Variants in KCNIP4 observed in about 807,000 individuals in gnomAD.
The protein encoded by KCNIP4 is potassium voltage-gated channel interacting protein 4, also known as Kv channel-interacting protein 4.
KCNIP4 carries 12 observed loss-of-function variants against 34.0 expected under a neutral mutation model. The ratio of observed to expected loss-of-function variants is 0.35; its 90% confidence interval spans 0.23 to 0.57. The LOEUF (loss-of-function observed/expected upper bound fraction) is 0.57. Ranked by LOEUF, KCNIP4 falls within the 20% of genes least tolerant of loss-of-function variation. KCNIP4 has a pLI of 0.83. For synonymous variants in KCNIP4, 124 were observed against 102.2 expected (o/e 1.21, Z -1.29); for missense variants, 238 against 311.7 (o/e 0.76, Z 1.78).
intron 3 of KCNIP4, among the ~76,000 whole-genome samples, chr4:20,780,772 G>C (rs148893271): frequency 6.6e-6 from 1 of 152,318 alleles, no homozygotes; most frequent in East Asian, 1.9e-4. Flanking sequence ...ACAGCATCCT[G>C]ATACACTGTT....
rs916544518 is a variant in KCNIP4, at chr4:21,200,561, C to T, written c.62-317852G>A. On this transcript the variant is annotated intron_variant, in intron 1 of 8. Coordinates refer to ENST00000382152, the MANE Select transcript of KCNIP4 (RefSeq NM_025221.6). ...GAATGGAAAACCAATATTGCATGTT[C>T]TCACTAAGTGGGAGCTAAACTATGG... Among the ~76,000 whole-genome samples, 5 of 151,830 alleles carry T rather than the reference C, an allele frequency of 3.3e-5. No individual in the cohort carries two copies. In the South Asian group the frequency reaches 1.0e-3, roughly 32 times the overall value.
intron 1 of KCNIP4, among the ~76,000 whole-genome samples, chr4:21,350,955 C>A (rs1717948410): frequency 6.6e-6 from 1 of 152,052 alleles, no homozygotes; most frequent in African/African-American, 2.4e-5. Flanking sequence ...GGAGAAGTTA[C>A]TGAGAAATGG....
At chr4:21,023,192 A>G (rs576685744) in intron 1 of KCNIP4, among the ~76,000 whole-genome samples, 11 of 152,342 alleles carry the variant, frequency 7.2e-5, no homozygotes, top group African/African-American at 2.4e-4. Context: ...ACTAGTAGTC[A>G]TTATAAATAT....
chr4:20,785,322 T>G (rs1020032674), intron 3 of KCNIP4, among the ~76,000 whole-genome samples: 1 of 118,466 alleles, frequency 8.4e-6, no homozygotes, highest in Non-Finnish European at 1.7e-5. Context: ...CTTTGGATTT[T>G]TTTTTCTTTT....
chr4:21,319,102 G>A (rs763690281), intron 1 of KCNIP4, among the ~76,000 whole-genome samples: 7 of 152,140 alleles, frequency 4.6e-5, no homozygotes, highest in Admixed American at 1.3e-4. Flanking sequence ...TCAACGAGGC[G>A]CGAATTCTAG....
At chr4:20,999,414 G>GTTTTTTTTTTTTTT (rs5856594) in intron 1 of KCNIP4, among the ~76,000 whole-genome samples, 1 of 95,342 alleles carries the variant, frequency 1.0e-5, no homozygotes. Flanking sequence ...TTGTGGTGGT[G>GTTTTTTTTTTTTTT]TTTTTTTTTT....
chr4:21,341,764 G>A (rs966409258), intron 1 of KCNIP4, among the ~76,000 whole-genome samples: 2 of 152,038 alleles, frequency 1.3e-5, no homozygotes, highest in Non-Finnish European at 2.9e-5. Flanking sequence ...GTTTTGGTGG[G>A]CTTGTTTACA....
intron 1 of KCNIP4, among the ~76,000 whole-genome samples, chr4:21,875,627 C>T (rs10009391): frequency 0.36 from 55,122 of 151,852 alleles, 12,001 homozygotes; most frequent in East Asian, 0.64. Context: ...TTCTTGTCAC[C>T]GGAAATCAAT....
intron 1 of KCNIP4, among the ~76,000 whole-genome samples, chr4:21,751,955 T>C (rs948276987): frequency 1.3e-5 from 2 of 152,200 alleles, no homozygotes; most frequent in African/African-American, 4.8e-5. Context: ...TTTCTACTGT[T>C]CTGCAGGTGG....
chr4:21,008,131 G>C (rs574223865), intron 1 of KCNIP4, among the ~76,000 whole-genome samples: 1 of 152,196 alleles, frequency 6.6e-6, no homozygotes, highest in Non-Finnish European at 1.5e-5. Flanking sequence ...TTAGAAGAGA[G>C]AAATCTGTTG....
At chr4:21,255,660 A>AAC (rs1309932688) in intron 1 of KCNIP4, among the ~76,000 whole-genome samples, 2 of 151,722 alleles carry the variant, frequency 1.3e-5, no homozygotes, top group African/African-American at 4.9e-5. Context: ...AAAAAAAAAA[A>AAC]CTAATTCAGG....
At chr4:20,918,804 C>G (rs530987601) in intron 1 of KCNIP4, among the ~76,000 whole-genome samples, 5 of 152,156 alleles carry the variant, frequency 3.3e-5, no homozygotes, top group Non-Finnish European at 5.9e-5. Context: ...ATAACTGAGT[C>G]CAGACTCAAT....
chr4:21,899,339 G>A (rs1727578252), intron 1 of KCNIP4, among the ~76,000 whole-genome samples: 1 of 152,084 alleles, frequency 6.6e-6, no homozygotes, highest in Non-Finnish European at 1.5e-5. Context: ...CACGCTGAAT[G>A]GAGAAAAACT....
At chr4:21,527,359 A>G (rs1307228408) in intron 1 of KCNIP4, among the ~76,000 whole-genome samples, 5 of 152,164 alleles carry the variant, frequency 3.3e-5, no homozygotes, top group Admixed American at 3.3e-4. Flanking sequence ...AGAATCAACA[A>G]TTCCTACCAC....
At chr4:21,311,415 A>G (rs910658000) in intron 1 of KCNIP4, among the ~76,000 whole-genome samples, 1 of 152,142 alleles carries the variant, frequency 6.6e-6, no homozygotes, top group African/African-American at 2.4e-5. Flanking sequence ...TTCTTCTTAA[A>G]AATGATGGAA....
At chr4:21,262,319 A>T (rs905785979) in intron 1 of KCNIP4, among the ~76,000 whole-genome samples, 1 of 152,078 alleles carries the variant, frequency 6.6e-6, no homozygotes, top group African/African-American at 2.4e-5. Flanking sequence ...CTTCCTGAAC[A>T]TGAATATTCA....
chr4:21,786,322 A>T (rs547225918), intron 1 of KCNIP4, among the ~76,000 whole-genome samples: 1 of 152,240 alleles, frequency 6.6e-6, no homozygotes, highest in East Asian at 1.9e-4. Context: ...CTTTTGAGAT[A>T]CTTGTCCAAG....
chr4:21,156,288 G>A (rs1753141305), intron 1 of KCNIP4, among the ~76,000 whole-genome samples: 1 of 152,070 alleles, frequency 6.6e-6, no homozygotes, highest in Non-Finnish European at 1.5e-5. Flanking sequence ...ACACCATTTT[G>A]GTGAATGCTC....
intron 1 of KCNIP4, among the ~76,000 whole-genome samples, chr4:21,870,538 C>G (rs1451790379): frequency 6.6e-6 from 1 of 152,212 alleles, no homozygotes; most frequent in Non-Finnish European, 1.5e-5. Context: ...AACTGCAGGT[C>G]TGCTTTTGCA....
Sources: allele counts gnomAD v4.1 joint callset (sites outside exome capture counted in the v4.1 genomes callset), GRCh38; gene constraint gnomAD v4.1.1; transcripts MANE v1.5; gene names NCBI Gene and HGNC (gene_info 2026-07-23, HGNC 2026-07-21).